Variants in ATP8A1 observed in about 807,000 individuals in gnomAD.
The protein encoded by ATP8A1 is phospholipid-transporting ATPase IA.
Under a neutral mutation model 177.7 loss-of-function variants are expected in ATP8A1, and 90 were observed. The observed-to-expected ratio is 0.51, with a 90% CI of 0.43 to 0.60. ATP8A1 has a LOEUF of 0.60. Among genes scored for constraint, ATP8A1 ranks in the 20% least tolerant of loss-of-function variants. The pLI, the probability that ATP8A1 is intolerant of heterozygous loss-of-function variation, is 0.00. For synonymous variants in ATP8A1, 493 were observed against 485.9 expected (o/e 1.01, Z -0.19); for missense variants, 1,072 against 1,392.8 (o/e 0.77, Z 3.67).
intron 16 of ATP8A1, among the ~76,000 whole-genome samples, chr4:42,553,668 A>G (rs1039896271): frequency 9.2e-5 from 14 of 152,228 alleles, no homozygotes; most frequent in African/African-American, 3.1e-4. Flanking sequence ...ATATCAGAAC[A>G]TTATTTGAAA....
intron 20 of ATP8A1, among the ~76,000 whole-genome samples, chr4:42,532,785 T>C (rs528626367): frequency 6.6e-6 from 1 of 152,342 alleles, no homozygotes; most frequent in East Asian, 1.9e-4. Flanking sequence ...CTGAAGCAAC[T>C]GAAGATGCAC....
chr4:42,552,920 A>T (rs1729654578), intron 16 of ATP8A1, among the ~76,000 whole-genome samples: 1 of 152,188 alleles, frequency 6.6e-6, no homozygotes, highest in Non-Finnish European at 1.5e-5. Context: ...CGGGAGGCGG[A>T]GGTTGCAGTG....
At chr4:42,440,975 G>GTGT (rs1176175691) in intron 33 of ATP8A1, among the ~76,000 whole-genome samples, 4 of 152,134 alleles carry the variant, frequency 2.6e-5, no homozygotes, top group Non-Finnish European at 5.9e-5. Flanking sequence ...GGAAAGGACT[G>GTGT]GGATCCTGGG....
Position 42,574,721 on chromosome 4 carries a change from A to G in ATP8A1, c.1207-14T>C, listed in dbSNP as rs1294228512. On this transcript the variant is annotated splice_polypyrimidine_tract_variant and intron_variant, in intron 13 of 36. Coordinates refer to ENST00000381668, the MANE Select transcript of ATP8A1 (RefSeq NM_006095.2). ...TATGTATTTAACCTAAAAAAGTTTA[A>G]AATTTCTCATTAATATTTTGAAAGT... 1.3e-6 allele frequency: 2 copies of G among 1,561,742 alleles called. No individual in the cohort carries two copies. Among genetic ancestry groups the G allele is most frequent in the Admixed American group, 3.8e-5 (2 of 52,306 alleles).
intron 16 of ATP8A1, 118 bp from the exon 17 acceptor site, chr4:42,552,728 C>A: frequency 1.5e-6 from 1 of 687,852 alleles, no homozygotes; most frequent in Non-Finnish European, 2.4e-6. Flanking sequence ...TAGCTCACAC[C>A]TGTAATCCCA....
At position 42,525,932 on chromosome 4, in the gene ATP8A1, T is replaced by TG. The variant is rs893517891; in HGVS notation, c.1723-1086dup. 4.6e-5 allele frequency among the ~76,000 whole-genome samples: 7 copies of TG among 152,138 alleles called. No individual in the cohort carries two copies. In the South Asian group the frequency reaches 6.3e-4, roughly 14 times the overall value. On this transcript the variant is annotated intron_variant, in intron 20 of 36. Coordinates refer to ENST00000381668, the MANE Select transcript of ATP8A1 (RefSeq NM_006095.2). Reference sequence around the variant, plus strand: ...CATTTTTCAGTGATGGAATGGGAAGTGGGGGGCAAAGCGAAAGGAAATGAT... The same window carrying TG: ...CATTTTTCAGTGATGGAATGGGAAGTGGGGGGGCAAAGCGAAAGGAAATGAT...
At chr4:42,605,050 G>A (rs1272732286) in intron 5 of ATP8A1, among the ~76,000 whole-genome samples, 1 of 152,150 alleles carries the variant, frequency 6.6e-6, no homozygotes. Context: ...CATGTATAGG[G>A]TTTCTTTTTG....
chr4:42,635,131 C>T (rs1423396060), intron 1 of ATP8A1, among the ~76,000 whole-genome samples: 2 of 151,718 alleles, frequency 1.3e-5, no homozygotes, highest in Non-Finnish European at 2.9e-5. Context: ...ATAAATTTTG[C>T]CATATAATTT....
intron 25 of ATP8A1, among the ~76,000 whole-genome samples, chr4:42,483,358 G>T (rs1300971015): frequency 3.5e-5 from 5 of 142,276 alleles, no homozygotes; most frequent in Admixed American, 2.9e-4. Context: ...AAAAAGCTGA[G>T]GAAAGATATG....
intron 25 of ATP8A1, among the ~76,000 whole-genome samples, chr4:42,482,336 A>AAC (rs1372041546): frequency 2.3e-4 from 17 of 72,980 alleles, no homozygotes; most frequent in South Asian, 3.7e-4. Flanking sequence ...CAAACAAACA[A>AAC]AAAAAAAAAA....
At chr4:42,422,745 C>A (rs772235557) in intron 35 of ATP8A1, 62 bp downstream of exon 35, 3 of 1,309,918 alleles carry the variant, frequency 2.3e-6, no homozygotes, top group South Asian at 1.2e-5. Flanking sequence ...TTATTTCCAA[C>A]CACTAGTACA....
intron 15 of ATP8A1, among the ~76,000 whole-genome samples, chr4:42,558,100 C>G (rs1254688351): frequency 6.6e-6 from 1 of 152,090 alleles, no homozygotes; most frequent in Non-Finnish European, 1.5e-5. Context: ...AACTCATCCT[C>G]TAATCAGACA....
chr4:42,462,098 G>T (rs1464681214), intron 27 of ATP8A1, among the ~76,000 whole-genome samples: 2 of 152,202 alleles, frequency 1.3e-5, no homozygotes, highest in Non-Finnish European at 2.9e-5. Flanking sequence ...TGTAAGGGAA[G>T]CAGAGCATAA....
chr4:42,480,971 CAACT>C (rs1246161154), intron 25 of ATP8A1, among the ~76,000 whole-genome samples: 1 of 152,168 alleles, frequency 6.6e-6, no homozygotes, highest in Non-Finnish European at 1.5e-5. Flanking sequence ...AATTTTCAAC[CAACT>C]GTCACAGAAC....
In ATP8A1 at chr4:42,569,173, G is replaced by C. The variant is rs1471919884; in HGVS notation, c.1328C>G (p.Ser443Cys). 1 of 1,607,396 alleles carries C rather than the reference G, an allele frequency of 6.2e-7. No homozygotes were observed. Among genetic ancestry groups the C allele is most frequent in the Non-Finnish European group, 8.5e-7 (1 of 1,176,578 alleles). Residue 443 changes from serine to cysteine, a missense_variant, in exon 15 of 37, where the codon TCT becomes TGT. Physicochemically the swap from Ser to Cys is moderately radical, Grantham distance 112 (BLOSUM62 -1). Coordinates refer to ENST00000381668, the MANE Select transcript of ATP8A1 (RefSeq NM_006095.2). ...HVPEPEDYGC[S>C]PDEWQNSQFG... The stretch of plus-strand genomic sequence containing the variant: ...CCATAGAGCTTACCATTCATCAGGA[G>C]AGCAGCCATAATCCTCAGGTTCAGG...
intron 27 of ATP8A1, among the ~76,000 whole-genome samples, chr4:42,460,491 G>C (rs753540600): frequency 2.1e-5 from 3 of 145,504 alleles, no homozygotes; most frequent in Non-Finnish European, 4.5e-5. Flanking sequence ...TGGTTCAAAT[G>C]AGTCTCCTGC....
chr4:42,487,961 G>C (rs929092480), intron 24 of ATP8A1, among the ~76,000 whole-genome samples: 4 of 152,154 alleles, frequency 2.6e-5, no homozygotes, highest in Non-Finnish European at 5.9e-5. Context: ...GGGATGGGGG[G>C]AGAGTAGCTG....
chr4:42,491,100 G>A (rs543636729), intron 24 of ATP8A1, among the ~76,000 whole-genome samples: 179 of 151,952 alleles, frequency 1.2e-3, no homozygotes, highest in African/African-American at 4.2e-3. Flanking sequence ...ATGCTAATGT[G>A]CTTATCTCAT....
At chr4:42,494,388 T>C (rs1371539281) in intron 24 of ATP8A1, among the ~76,000 whole-genome samples, 1 of 152,054 alleles carries the variant, frequency 6.6e-6, no homozygotes, top group Admixed American at 6.6e-5. Flanking sequence ...GGCACGAGAA[T>C]CGCTTGAACC....
Sources: gnomAD v4.1 joint callset for allele counts (sites outside exome capture counted in the v4.1 genomes callset) on GRCh38, gnomAD v4.1.1 for gene constraint, MANE v1.5 for transcripts, NCBI Gene and HGNC (gene_info 2026-07-23, HGNC 2026-07-21) for gene names.